Variants in MYL12B observed in about 807,000 individuals in gnomAD.
MYL12B encodes myosin light chain 12B, also known as myosin regulatory light chain 12B.
In MYL12B, 3 loss-of-function variants were observed where a neutral mutation model predicts 12.9. That is an observed-to-expected ratio of 0.23 (90% CI 0.11 to 0.60). The LOEUF is 0.60. MYL12B is among the 20% of genes least tolerant of loss of function. MYL12B has a pLI of 0.89. For synonymous variants in MYL12B, 57 were observed against 71.9 expected (o/e 0.79, Z 1.05); for missense variants, 120 against 215.4 (o/e 0.56, Z 2.77).
At chr18:3,277,555 T>C (rs1011669008) in intron 3 of MYL12B, 141 bp downstream of exon 3, 2 of 1,373,866 alleles carry the variant, frequency 1.5e-6, no homozygotes, top group African/African-American at 2.9e-5. Context: ...TTTCTGAGCT[T>C]TTAAATGATT....
At chr18:3,263,731 TC>T (rs747067748) in intron 1 of MYL12B, among the ~76,000 whole-genome samples, 11 of 152,104 alleles carry the variant, frequency 7.2e-5, no homozygotes, top group Non-Finnish European at 1.0e-4. Context: ...TTTGTGATCT[TC>T]CTTCCTCATT....
chr18:3,267,028 A>T (rs973847648), intron 1 of MYL12B, among the ~76,000 whole-genome samples: 1 of 152,248 alleles, frequency 6.6e-6, no homozygotes, highest in Non-Finnish European at 1.5e-5. Context: ...AACTAGATGC[A>T]TAAACAGCCA....
chr18:3,277,394 G>C lies in MYL12B; in HGVS notation c.326G>C (p.Cys109Ser). 8 of 1,614,070 alleles carry C rather than the reference G, an allele frequency of 5.0e-6. No individual in the cohort carries two copies. Among genetic ancestry groups the C allele is most frequent in the Non-Finnish European group, 6.8e-6 (8 of 1,179,978 alleles). ...PEDVIRNAFA[C>S]FDEEATGTIQ... ...GATGTCATCAGAAACGCCTTTGCTTGCTTTGATGAAGAAGCAACAGGTGAG... is the reference window on the plus strand; with the variant it reads ...GATGTCATCAGAAACGCCTTTGCTTCCTTTGATGAAGAAGCAACAGGTGAG... Residue 109 changes from cysteine to serine, a missense_variant, in exon 3 of 4, where the codon TGC becomes TCC. Physicochemically the swap from Cys to Ser is moderately radical, Grantham distance 112. Transcript: ENST00000237500.
intron 1 of MYL12B, among the ~76,000 whole-genome samples, chr18:3,263,352 A>G (rs1193372292): frequency 6.6e-6 from 1 of 152,238 alleles, no homozygotes; most frequent in Admixed American, 6.5e-5. Context: ...AGGACCTGAT[A>G]GATTACCTTG....
rs181916430 is a variant in MYL12B at position 3,277,222 on chromosome 18, T to C, written c.185-31T>C. Reference sequence around the variant, plus strand: ...TAACTATTGAAATTAAATGTTTTTGTCTTTAAATGTTAAAATGTGTATTCT... The same window carrying C: ...TAACTATTGAAATTAAATGTTTTTGCCTTTAAATGTTAAAATGTGTATTCT... On this transcript the variant is annotated intron_variant, in intron 2 of 3. Transcript: ENST00000237500. 46 of 1,513,298 alleles carry C rather than the reference T, an allele frequency of 3.0e-5. No individual in the cohort carries two copies. The Admixed American group carries it at 9.7e-4, about 32-fold the overall frequency. 93.7% of individuals were successfully genotyped at this position (1,513,298 alleles called of 1,614,324 possible).
At chr18:3,266,760 C>A (rs2081638245) in intron 1 of MYL12B, among the ~76,000 whole-genome samples, 1 of 152,040 alleles carries the variant, frequency 6.6e-6, no homozygotes, top group Non-Finnish European at 1.5e-5. Context: ...CAAACTAATT[C>A]AGTTTTTAAA....
chr18:3,263,808 A>T (rs898618756), intron 1 of MYL12B, among the ~76,000 whole-genome samples: 4 of 152,184 alleles, frequency 2.6e-5, no homozygotes, highest in African/African-American at 7.2e-5. Context: ...ATGGTAGAGA[A>T]TTTCAGCTGC....
In MYL12B at chr18:3,277,753, A is replaced by C; in HGVS notation, c.347-12A>C. 6.2e-7 allele frequency: 1 copy of C among 1,601,092 alleles called. No individual in the cohort carries two copies. Among genetic ancestry groups the C allele is most frequent in the Non-Finnish European group, 8.5e-7 (1 of 1,176,634 alleles). On this transcript the variant is annotated splice_polypyrimidine_tract_variant and intron_variant, in intron 3 of 3. Transcript: ENST00000237500. ...TATTGATGACTGCTTTCTTCTTTCT[A>C]TTGTCTTCCAGGCACCATTCAGGAA...
At chr18:3,274,403 A>G (rs1435909962) in intron 2 of MYL12B, among the ~76,000 whole-genome samples, 1 of 152,110 alleles carries the variant, frequency 6.6e-6, no homozygotes. Context: ...TAAAAGAACA[A>G]TTTCAGCCTA....
chr18:3,269,175 T>G (rs901244587), intron 1 of MYL12B, among the ~76,000 whole-genome samples: 8 of 152,166 alleles, frequency 5.3e-5, no homozygotes, highest in Non-Finnish European at 1.0e-4. Flanking sequence ...GCACCATGTT[T>G]AGGAACTTGG....
At chr18:3,265,546 A>C (rs1389887437) in intron 1 of MYL12B, among the ~76,000 whole-genome samples, 1 of 146,776 alleles carries the variant, frequency 6.8e-6, no homozygotes, top group Non-Finnish European at 1.5e-5. Flanking sequence ...AGCACTGCTA[A>C]CAAGACCCTC....
intron 2 of MYL12B, chr18:3,276,294 G>A (rs1249025328): frequency 3.7e-6 from 1 of 270,852 alleles, no homozygotes; most frequent in East Asian, 1.9e-4. Flanking sequence ...GGTAGAACTG[G>A]GATTCAAACC....
At position 3,262,167 on chromosome 18, in the gene MYL12B, A is replaced by G. The variant is rs1049951170; in HGVS notation, c.-86A>G. ...GTGTCGGCGCCGCCACTGTCCGGCCACAGCCTAACGCTCTTCGCTGTCGTT... is the reference window on the plus strand; with the variant it reads ...GTGTCGGCGCCGCCACTGTCCGGCCGCAGCCTAACGCTCTTCGCTGTCGTT... On this transcript the variant is annotated 5_prime_UTR_variant, in exon 1 of 4. Coordinates refer to ENST00000237500, the MANE Select transcript of MYL12B (RefSeq NM_033546.4). 2.0e-5 allele frequency: 3 copies of G among 151,990 alleles called. No homozygotes were observed. Among genetic ancestry groups the G allele is most frequent in the Non-Finnish European group, 4.4e-5 (3 of 68,002 alleles). The allele number at this position is 151,990 out of a possible 1,614,324, so 9.4% of individuals were successfully genotyped here.
At position 3,274,078 on chromosome 18, in the gene MYL12B, G is replaced by A. The variant is rs544986390; in HGVS notation, c.184+996G>A. Among the ~76,000 whole-genome samples the A allele has an allele frequency of 2.6e-5, 4 of 152,236 alleles. No homozygotes were observed. In the East Asian group the frequency reaches 7.7e-4, roughly 29 times the overall value. ...TATATTCACTGATTGTTAACATTTTGTAACTTTTCTTTATCTAGGGTGAGA... is the reference window on the plus strand; with the variant it reads ...TATATTCACTGATTGTTAACATTTTATAACTTTTCTTTATCTAGGGTGAGA... On this transcript the variant is annotated intron_variant, in intron 2 of 3. Transcript: ENST00000237500.
chr18:3,272,927 C>T lies in MYL12B; in HGVS notation c.29C>T (p.Thr10Ile). The T allele has an allele frequency of 6.2e-7, 1 of 1,610,066 alleles. No individual in the cohort carries two copies. The highest frequency in any genetic ancestry group is 8.5e-7 in the Non-Finnish European group (1 of 1,178,388). The part of the protein sequence containing the change: MSSKKAKTK[T>I]TKKRPQRATS... The stretch of plus-strand genomic sequence containing the variant: ...TCGAGCAAAAAGGCAAAGACCAAGA[C>T]CACCAAGAAGCGCCCTCAGCGTGCA... The change falls in exon 2 of 4, where the codon ACC becomes ATC. Residue 10 changes from threonine to isoleucine, a missense_variant. Transcript: ENST00000237500.
chr18:3,271,085 G>A (rs2081675174), intron 1 of MYL12B, among the ~76,000 whole-genome samples: 1 of 152,196 alleles, frequency 6.6e-6, no homozygotes, highest in African/African-American at 2.4e-5. Context: ...GCCTTCAGAT[G>A]TATTTGACTA....
intron 1 of MYL12B, among the ~76,000 whole-genome samples, chr18:3,272,556 G>A (rs1242660929): frequency 6.6e-6 from 1 of 152,158 alleles, no homozygotes; most frequent in Non-Finnish European, 1.5e-5. Flanking sequence ...AGAGATGGGA[G>A]TCTCACTATG....
At chr18:3,273,131 C>T (rs1598809054) in intron 2 of MYL12B, 49 bp downstream of exon 2, 1 of 1,502,370 alleles carries the variant, frequency 6.7e-7, no homozygotes, top group Non-Finnish European at 9.0e-7. Flanking sequence ...AATAATTTGT[C>T]TCTTTATGAA....
intron 1 of MYL12B, among the ~76,000 whole-genome samples, chr18:3,265,854 G>C (rs1213051543): frequency 6.6e-6 from 1 of 152,118 alleles, no homozygotes; most frequent in South Asian, 2.1e-4. Context: ...AGGGTGACTC[G>C]TGCAGTAAAG....
Sources: gnomAD v4.1 joint callset for allele counts (sites outside exome capture counted in the v4.1 genomes callset) on GRCh38, gnomAD v4.1.1 for gene constraint, MANE v1.5 for transcripts, NCBI Gene and HGNC (gene_info 2026-07-23, HGNC 2026-07-21) for gene names.